The following SH3TC1 variants were observed in gnomAD, a reference collection of about 807,000 sequenced individuals.
The protein encoded by SH3TC1 is SH3 domain and tetratricopeptide repeats 1.
SH3TC1 carries 135 observed loss-of-function variants against 117.3 expected under a neutral mutation model. The observed-to-expected ratio is 1.15, with a 90% CI of 1.00 to 1.33. SH3TC1 has a LOEUF of 1.33. SH3TC1 is among the 40% of genes most tolerant of loss of function. SH3TC1 has a pLI of 0.00. For synonymous variants in SH3TC1, 898 were observed against 816.9 expected (o/e 1.10, Z -1.69); for missense variants, 2,092 against 1,794.3 (o/e 1.17, Z -3.00).
intron 1 of SH3TC1, among the ~76,000 whole-genome samples, chr4:8,194,083 C>T (rs143153407): frequency 2.8e-4 from 42 of 152,334 alleles, no homozygotes; most frequent in African/African-American, 7.9e-4. Flanking sequence ...GCCTGGGGCT[C>T]GGGCCTCAGG....
At position 8,210,198 on chromosome 4, in the gene SH3TC1, G is replaced by T. The variant is rs1712318; in HGVS notation, c.247+376G>T. On this transcript the variant is annotated intron_variant, in intron 3 of 17. Coordinates refer to ENST00000245105, the MANE Select transcript of SH3TC1 (RefSeq NM_018986.5). This position sits in a 1 kb window ranked among gnomAD's most constrained non-coding sequence, Gnocchi z 4.1. Reference sequence around the variant, plus strand: ...GCACAGGCTTCCCAGGGATGGGATCGCCGCAGGGCACAGGTGGAGGGAGGC... The same window carrying T: ...GCACAGGCTTCCCAGGGATGGGATCTCCGCAGGGCACAGGTGGAGGGAGGC... 0.81 allele frequency among the ~76,000 whole-genome samples: 123,806 copies of T among 152,052 alleles called. 51,120 individuals carry two copies. The highest frequency in any genetic ancestry group is 0.89 in the Non-Finnish European group (60,429 of 67,948).
At position 8,233,482 on chromosome 4, in the gene SH3TC1, G is replaced by C; in HGVS notation, c.3251G>C (p.Arg1084Pro). 1 of 1,613,114 alleles carries C rather than the reference G, an allele frequency of 6.2e-7. No individual in the cohort carries two copies. The highest frequency in any genetic ancestry group is 8.5e-7 in the Non-Finnish European group (1 of 1,179,580). The change falls in exon 14 of 18, where the codon CGG becomes CCG. Residue 1084 changes from arginine (R) to proline (P), a missense_variant. Physicochemically the swap from Arg to Pro is moderately radical, Grantham distance 103. Coordinates refer to ENST00000245105, the MANE Select transcript of SH3TC1 (RefSeq NM_018986.5). ...LQAGKIYYIL[R>P]QSELVDLYIQ... Reference sequence around the variant, plus strand: ...GCAGGGAAGATCTATTACATCTTGCGGCAGAGCGAGCTGGTGGACCTCTAC... The same window carrying C: ...GCAGGGAAGATCTATTACATCTTGCCGCAGAGCGAGCTGGTGGACCTCTAC...
intron 1 of SH3TC1, among the ~76,000 whole-genome samples, chr4:8,187,135 G>A (rs1038324556): frequency 1.3e-5 from 2 of 152,132 alleles, no homozygotes; most frequent in African/African-American, 4.8e-5. Flanking sequence ...CGTACCCTCT[G>A]CCACCCAACG....
chr4:8,236,540 C>G, intron 16 of SH3TC1, 112 bp downstream of exon 16: 1 of 1,361,812 alleles, frequency 7.3e-7, no homozygotes, highest in Non-Finnish European at 9.7e-7. Context: ...GTCTCCTGTC[C>G]AGGCAGGCAC....
chr4:8,182,563 G>A lies in SH3TC1; in HGVS notation c.-57+353G>A, dbSNP rs763919721. On this transcript the variant is annotated intron_variant, in intron 1 of 16. Coordinates refer to the SH3TC1 transcript ENST00000508641. ...GCAGGGTGCCTGGTGGAAAGGTGAG[G>A]TGCCAAGAGGCTGTGGCCAGGGGTT... 4.6e-5 allele frequency among the ~76,000 whole-genome samples: 7 copies of A among 152,174 alleles called. 1 individual carries two copies. Among genetic ancestry groups the A allele is most frequent in the Non-Finnish European group, 1.5e-5 (1 of 68,028 alleles).
chr4:8,186,327 G>A lies in SH3TC1; in HGVS notation c.-57+4117G>A, dbSNP rs543961519. On this transcript the variant is annotated intron_variant, in intron 1 of 16. Transcript: ENST00000508641. This position sits in a 1 kb window ranked among gnomAD's most constrained non-coding sequence, Gnocchi z 5.2. ...TTCTCCCCAGAACTGTCAAGGTCAGGAAAACAGGGACATCTGAAAAACCTT... is the reference window on the plus strand; with the variant it reads ...TTCTCCCCAGAACTGTCAAGGTCAGAAAAACAGGGACATCTGAAAAACCTT... 2.0e-5 allele frequency among the ~76,000 whole-genome samples: 3 copies of A among 152,304 alleles called. No homozygotes were observed. The South Asian group carries it at 6.2e-4, about 32-fold the overall frequency.
Position 8,228,552 on chromosome 4 carries a change from G to A in SH3TC1, c.2858G>A (p.Gly953Asp), listed in dbSNP as rs748788381. Reference sequence around the variant, plus strand: ...TTCACCCACGTGCTCCTGCAGCTGGGCCATCTCTGCACCCGCCAGGGCCCG... The same window carrying A: ...TTCACCCACGTGCTCCTGCAGCTGGACCATCTCTGCACCCGCCAGGGCCCG... ...RDFTHVLLQL[G>D]HLCTRQGPAQ... Residue 953 changes from glycine to aspartate, a missense_variant, in exon 12 of 18, where the codon GGC becomes GAC. Gly to Asp is a moderately conservative substitution (Grantham distance 94, BLOSUM62 -1). Transcript: ENST00000245105. 3.1e-6 allele frequency: 5 copies of A among 1,607,648 alleles called. No individual in the cohort carries two copies. The South Asian group carries it at 5.5e-5, about 18-fold the overall frequency.
chr4:8,240,731 G>C lies in SH3TC1; in HGVS notation c.3787G>C (p.Ala1263Pro). The C allele has an allele frequency of 6.2e-7, 1 of 1,613,810 alleles. No homozygotes were observed. The highest frequency in any genetic ancestry group is 8.5e-7 in the Non-Finnish European group (1 of 1,180,018). ...TGATGCAGCCGGGTACTACCAGCTG[G>C]CGCTGGCAGCCGCCGTGGACCTGGG... ...PFDAAGYYQL[A>P]LAAAVDLGNK... Residue 1263 changes from alanine (A) to proline (P), a missense_variant, in exon 18 of 18, where the codon GCG becomes CCG. Physicochemically the swap from Ala to Pro is conservative, Grantham distance 27. Transcript: ENST00000245105.
rs889757809 is a variant in SH3TC1 at position 8,186,805 on chromosome 4, G to C, written c.-57+4595G>C. On this transcript the variant is annotated intron_variant, in intron 1 of 16. Coordinates refer to the SH3TC1 transcript ENST00000508641. The surrounding 1 kb of genome is among the most constrained non-coding windows in gnomAD (Gnocchi z 5.2). ...CTAAAAATACAAAAATTAGCTGGGCGTGGTGGCGGGCACCTGTAATCCCAG... is the reference window on the plus strand; with the variant it reads ...CTAAAAATACAAAAATTAGCTGGGCCTGGTGGCGGGCACCTGTAATCCCAG... Among the ~76,000 whole-genome samples the C allele has an allele frequency of 6.6e-6, 1 of 151,964 alleles. No individual in the cohort carries two copies. Among genetic ancestry groups the C allele is most frequent in the Non-Finnish European group, 1.5e-5 (1 of 67,988 alleles).
intron 1 of SH3TC1, among the ~76,000 whole-genome samples, chr4:8,193,106 G>A (rs925922064): frequency 6.6e-6 from 1 of 152,222 alleles, no homozygotes; most frequent in Non-Finnish European, 1.5e-5. Flanking sequence ...GCAGGGTTGT[G>A]ACGGACCTGA....
intron 8 of SH3TC1, among the ~76,000 whole-genome samples, chr4:8,219,026 G>T (rs1345671380): frequency 6.6e-6 from 1 of 152,178 alleles, no homozygotes; most frequent in African/African-American, 2.4e-5. Flanking sequence ...GGAGTAGGTG[G>T]GGCCGGGGGT....
Position 8,228,332 on chromosome 4 carries a change from A to G in SH3TC1, c.2638A>G (p.Arg880Gly). 2 of 1,612,012 alleles carry G rather than the reference A, an allele frequency of 1.2e-6. No homozygotes were observed. The highest frequency in any genetic ancestry group is 2.2e-5 in the South Asian group (2 of 91,074). The change falls in exon 12 of 18, where the codon AGG becomes GGG. Residue 880 changes from arginine to glycine, a missense_variant. Arg to Gly is a moderately radical substitution (Grantham distance 125, BLOSUM62 -2). Coordinates refer to ENST00000245105, the MANE Select transcript of SH3TC1 (RefSeq NM_018986.5). ...AVALKRTGRT[R>G]QAAESYYRAL... ...GGCTCTGAAGAGGACGGGCCGGACG[A>G]GGCAGGCAGCTGAGAGCTACTACCG...
Position 8,209,626 on chromosome 4 carries a change from G to T in SH3TC1, c.173-122G>T. 6.5e-7 allele frequency: 1 copy of T among 1,541,748 alleles called. No individual in the cohort carries two copies. Among genetic ancestry groups the T allele is most frequent in the Non-Finnish European group, 8.7e-7 (1 of 1,146,910 alleles). On this transcript the variant is annotated intron_variant, in intron 2 of 17. Coordinates refer to ENST00000245105, the MANE Select transcript of SH3TC1 (RefSeq NM_018986.5). The surrounding 1 kb of genome is among the most constrained non-coding windows in gnomAD (Gnocchi z 5.9). Reference sequence around the variant, plus strand: ...CTGGAGGAAGGCAGCTGTGGGAAAGGCGGCTCGTGCGGGACAGAACTCACC... The same window carrying T: ...CTGGAGGAAGGCAGCTGTGGGAAAGTCGGCTCGTGCGGGACAGAACTCACC...
chr4:8,189,781 G>A (rs1561671631), intron 1 of SH3TC1, among the ~76,000 whole-genome samples: 1 of 152,196 alleles, frequency 6.6e-6, no homozygotes, highest in Non-Finnish European at 1.5e-5. Flanking sequence ...TGCAGCCTGG[G>A]GACCTCAGTG....
chr4:8,224,925 G>C, intron 10 of SH3TC1: 1 of 501,296 alleles, frequency 2.0e-6, no homozygotes, highest in South Asian at 3.0e-5. Context: ...TGGCCCATTG[G>C]CTGGTGCCTC....
rs181819576 is a variant in SH3TC1, at chr4:8,229,426, G to A, written c.2950+782G>A. Among the ~76,000 whole-genome samples, 470 of 132,828 alleles carry A rather than the reference G, an allele frequency of 3.5e-3. 16 individuals are homozygous for A. The highest frequency in any genetic ancestry group is 0.032 in the Admixed American group (423 of 13,086). The allele number at this position is 132,828 out of a possible 152,430, so 87.1% of individuals were successfully genotyped here. A position where few individuals can be genotyped will look rare whatever the true frequency, so the allele number is the denominator to read the frequency against. ...GAGCGAGTAGGGGTGAGTGAGTGGG[G>A]GTGTGATGGGGGTGAGTGAGCAGGG... is the stretch of plus-strand genomic sequence containing the variant. On this transcript the variant is annotated intron_variant, in intron 12 of 17. Coordinates refer to ENST00000245105, the MANE Select transcript of SH3TC1 (RefSeq NM_018986.5).
upstream of SH3TC1, among the ~76,000 whole-genome samples, chr4:8,196,475 C>T (rs1204911599): frequency 6.6e-6 from 1 of 151,990 alleles, no homozygotes; most frequent in South Asian, 2.1e-4. This position sits in a 1 kb window ranked among gnomAD's most constrained non-coding sequence, Gnocchi z 4.6. Context: ...GCAGATGCCT[C>T]GGGGGTGGCC....
At chr4:8,197,636 T>G (rs1161210279), upstream of SH3TC1, among the ~76,000 whole-genome samples, 3 of 152,072 alleles carry the variant, frequency 2.0e-5, no homozygotes, top group African/African-American at 7.2e-5. Context: ...AGGTGGGGCC[T>G]GGCCAGGCCG....
chr4:8,216,362 G>A, intron 6 of SH3TC1, 105 bp downstream of exon 6: 3 of 1,474,230 alleles, frequency 2.0e-6, no homozygotes, highest in South Asian at 1.4e-5. Flanking sequence ...CTGGGGCTGT[G>A]GGCTGCGGAG....
Sources: gnomAD v4.1 joint callset for allele counts (sites outside exome capture counted in the v4.1 genomes callset) on GRCh38, gnomAD v4.1.1 for gene constraint, Gnocchi (gnomAD v3.1) non-coding constraint, MANE v1.5 for transcripts, NCBI Gene and HGNC (gene_info 2026-07-23, HGNC 2026-07-21) for gene names.